DNM1: variants seen among roughly 807,000 people sequenced by gnomAD.
DNM1 encodes dynamin-1.
DNM1 carries 29 observed loss-of-function variants against 104.6 expected under a neutral mutation model. The observed-to-expected ratio is 0.28, with a 90% CI of 0.21 to 0.38. The LOEUF (loss-of-function observed/expected upper bound fraction) is 0.38, where lower values mean the gene tolerates loss of function less well. DNM1 is among the 10% of genes least tolerant of loss of function. The probability of loss-of-function intolerance (pLI) is 1.00; values close to 1 mark genes in which losing one functional copy is unlikely to be tolerated. For missense variants in DNM1, 640 were observed against 1,189.4 expected, an observed-to-expected ratio of 0.54 and a Z score of 6.79; for synonymous variants, 445 against 475.8, an observed-to-expected ratio of 0.94 and a Z score of 0.84.
At chr9:128,205,644 C>A (rs549745523) in intron 1 of DNM1, among the ~76,000 whole-genome samples, 2 of 152,162 alleles carry the variant, frequency 1.3e-5, no homozygotes. Context: ...CGCTGACAGC[C>A]GCTGCCCTGC....
chr9:128,209,086 C>A (rs188123630), intron 1 of DNM1, among the ~76,000 whole-genome samples: 17 of 152,120 alleles, frequency 1.1e-4, no homozygotes, highest in African/African-American at 3.6e-4. Context: ...CACCCCCCCA[C>A]CCACCTGGAG....
chr9:128,220,681 T>A lies in DNM1; in HGVS notation c.849+340T>A, dbSNP rs1362970823. Among the ~76,000 whole-genome samples, 2 of 151,098 alleles carry A rather than the reference T, an allele frequency of 1.3e-5. No homozygotes were observed. The stretch of plus-strand genomic sequence containing the variant: ...GACCTTGACAGGGAATCCCAGGGGC[T>A]TCCCCAGGACTTTTCTCCATCTGGA... On this transcript the variant is annotated intron_variant, in intron 6 of 21. Coordinates refer to ENST00000372923, the MANE Select transcript of DNM1 (RefSeq NM_004408.4). The surrounding 1 kb of genome is among the most constrained non-coding windows in gnomAD (Gnocchi z 5.2).
At chr9:128,239,925 G>A in intron 13 of DNM1, 60 bp from the exon 14 acceptor site, 2 of 1,609,968 alleles carry the variant, frequency 1.2e-6, no homozygotes, top group South Asian at 2.2e-5. Flanking sequence ...CTCTGCCTCA[G>A]TAACCCTCTC....
intron 1 of DNM1, among the ~76,000 whole-genome samples, chr9:128,214,453 T>C (rs1466250063): frequency 1.3e-5 from 2 of 152,114 alleles, no homozygotes; most frequent in African/African-American, 2.4e-5. Context: ...CGGCACTGGG[T>C]GCACGCCCAG....
intron 1 of DNM1, among the ~76,000 whole-genome samples, chr9:128,213,410 A>T (rs975161642): frequency 6.6e-6 from 1 of 150,956 alleles, no homozygotes; most frequent in Non-Finnish European, 1.5e-5. Flanking sequence ...AATGGAGAAC[A>T]CATGATTTTA....
chr9:128,218,460 G>A lies in DNM1; in HGVS notation c.236-122G>A, dbSNP rs1834744619. 4 of 1,390,900 alleles carry A rather than the reference G, an allele frequency of 2.9e-6. No homozygotes were observed. The African/African-American group carries it at 5.7e-5, about 20-fold the overall frequency. The allele number at this position is 1,390,900 out of a possible 1,614,324, so 86.2% of individuals were successfully genotyped here. On this transcript the variant is annotated intron_variant, in intron 2 of 21. Coordinates refer to ENST00000372923, the MANE Select transcript of DNM1 (RefSeq NM_004408.4). This position sits in a 1 kb window ranked among gnomAD's most constrained non-coding sequence, Gnocchi z 4.8. ...GGGGATCAAAATACATAATGGAGAC[G>A]TGGGTGGTGGTTCTGCTTGGGTGTG...
Position 128,247,184 on chromosome 9 carries a change from G to A in DNM1, c.1782-191G>A. ...CACTGAATCCTCAGTGACCCAAGGA[G>A]GCAGGAATTATTATTAACCCATCTT... On this transcript the variant is annotated intron_variant, in intron 16 of 21. Transcript: ENST00000372923. The surrounding 1 kb of genome is among the most constrained non-coding windows in gnomAD (Gnocchi z 5.1). 2.0e-6 allele frequency: 1 copy of A among 510,698 alleles called. No individual in the cohort carries two copies. Among genetic ancestry groups the A allele is most frequent in the Non-Finnish European group, 3.5e-6 (1 of 281,856 alleles). The allele number at this position is 510,698 out of a possible 1,614,324, so 31.6% of individuals were successfully genotyped here.
intron 15 of DNM1, chr9:128,244,944 C>T (rs765978439): frequency 5.7e-5 from 18 of 317,152 alleles, no homozygotes; most frequent in Admixed American, 1.4e-4. Flanking sequence ...CCAGCCAGCC[C>T]GTGGTCCCCT....
rs577986578 is a variant in DNM1, at chr9:128,252,448, G to C, written c.2534+1508G>C. 345 of 402,756 alleles carry C rather than the reference G, an allele frequency of 8.6e-4. 2 individuals are homozygous for C. The highest frequency in any genetic ancestry group is 6.2e-3 in the South Asian group (331 of 53,616). The allele number at this position is 402,756 out of a possible 1,614,324, so 24.9% of individuals were successfully genotyped here. ...GCAGTCTGAGGCATGGCTGAGATAG[G>C]CTTACGTGGCAAGGAATCAGGAGGG... On this transcript the variant is annotated intron_variant, in intron 21 of 21. Coordinates refer to ENST00000372923, the MANE Select transcript of DNM1 (RefSeq NM_004408.4).
At chr9:128,212,935 G>C (rs1014896200) in intron 1 of DNM1, among the ~76,000 whole-genome samples, 5 of 152,174 alleles carry the variant, frequency 3.3e-5, no homozygotes, top group African/African-American at 1.2e-4. Context: ...TCAAGTCCCT[G>C]GCAGAGTCCC....
At chr9:128,249,053 T>A (rs995374244) in intron 19 of DNM1, among the ~76,000 whole-genome samples, 20 of 150,676 alleles carry the variant, frequency 1.3e-4, no homozygotes, top group African/African-American at 4.6e-4. Context: ...ATTAGCCAGG[T>A]GTGGTAGCGT....
Position 128,247,952 on chromosome 9 carries a change from C to T in DNM1, c.1905+17C>T, listed in dbSNP as rs115623280. On this transcript the variant is annotated intron_variant, in intron 18 of 21. Transcript: ENST00000372923. This position sits in a 1 kb window ranked among gnomAD's most constrained non-coding sequence, Gnocchi z 5.1. ...AAAGAGAAAGTGAGTGTGCCCTTCT[C>T]TTGCCTCCTGCCAGGCATCTGCAGC... 1.7e-3 allele frequency: 2,803 copies of T among 1,614,152 alleles called. 46 individuals are homozygous for T. The African/African-American group carries it at 0.032, about 19-fold the overall frequency.
rs1829695778 is a variant in DNM1 at position 128,253,985 on chromosome 9, TC to T, written c.2535-668del. 4.1e-6 allele frequency: 5 copies of T among 1,234,054 alleles called. No homozygotes were observed. The East Asian group carries it at 1.6e-4, about 39-fold the overall frequency. 76.4% of individuals were successfully genotyped at this position (1,234,054 alleles called of 1,614,324 possible). ...CCCCCCATTCTCCTGCCACTGACTC[TC>T]GCTCTTCTGCTTTTCCCAGCAGGAA... On this transcript the variant is annotated intron_variant, in intron 21 of 21. Transcript: ENST00000372923. The surrounding 1 kb of genome is among the most constrained non-coding windows in gnomAD (Gnocchi z 5.9).
chr9:128,254,576 C>A lies in DNM1; in HGVS notation c.2535-78C>A, dbSNP rs1432045086. 1.3e-6 allele frequency: 2 copies of A among 1,590,766 alleles called. No individual in the cohort carries two copies. The highest frequency in any genetic ancestry group is 1.7e-5 in the Admixed American group (1 of 59,690). ...CTGCTGCGGCGCGGCCGGCCCCGGCCGTGTGCTGCGCTTGCCTTACCAGCT... is the reference window on the plus strand; with the variant it reads ...CTGCTGCGGCGCGGCCGGCCCCGGCAGTGTGCTGCGCTTGCCTTACCAGCT... On this transcript the variant is annotated intron_variant, in intron 21 of 21. Transcript: ENST00000372923. The surrounding 1 kb of genome is among the most constrained non-coding windows in gnomAD (Gnocchi z 6.1).
chr9:128,251,485 G>C (rs1474797235), intron 21 of DNM1: 2 of 237,082 alleles, frequency 8.4e-6, no homozygotes, highest in South Asian at 4.3e-5. Context: ...GGCTGTGACT[G>C]TGTGACTAGA....
At position 128,226,026 on chromosome 9, in the gene DNM1, C is replaced by T. The variant is rs529414436; in HGVS notation, c.1335+1637C>T. On this transcript the variant is annotated intron_variant, in intron 10 of 21. Coordinates refer to ENST00000372923, the MANE Select transcript of DNM1 (RefSeq NM_004408.4). ...CCTCCTCCTGTCCCCACCTCCTCCCCGGGTGCAGGACGGGCCTCTTCACAC... is the reference window on the plus strand; with the variant it reads ...CCTCCTCCTGTCCCCACCTCCTCCCTGGGTGCAGGACGGGCCTCTTCACAC... 52 of 1,612,136 alleles carry T rather than the reference C, an allele frequency of 3.2e-5. No homozygotes were observed. Among genetic ancestry groups the T allele is most frequent in the African/African-American group, 1.6e-4 (12 of 74,838 alleles).
intron 4 of DNM1, 27 bp from the exon 5 acceptor site, chr9:128,219,961 A>G: frequency 6.5e-7 from 1 of 1,528,266 alleles, no homozygotes; most frequent in Non-Finnish European, 8.9e-7. Flanking sequence ...GTGCAGCTGT[A>G]GACGGCCCTC....
chr9:128,249,843 A>C (rs1191535825), intron 19 of DNM1, among the ~76,000 whole-genome samples: 2 of 151,898 alleles, frequency 1.3e-5, no homozygotes, highest in African/African-American at 2.4e-5. Context: ...AGAAAAAAAA[A>C]AACAACTGAG....
rs73672475 is a variant in DNM1 at position 128,243,084 on chromosome 9, C to A, written c.1671+739C>A. On this transcript the variant is annotated intron_variant, in intron 15 of 21. Transcript: ENST00000372923. The surrounding 1 kb of genome is among the most constrained non-coding windows in gnomAD (Gnocchi z 4.0). ...CCCCAGTCCCCTAGACCCCTGCAGT[C>A]CAAGGGAAATGACCAGGGTGCCCTC... 4.0e-3 allele frequency among the ~76,000 whole-genome samples: 612 copies of A among 152,300 alleles called. 3 individuals carry two copies. The highest frequency in any genetic ancestry group is 0.014 in the African/African-American group (582 of 41,556).
Sources: gnomAD v4.1 joint callset for allele counts (sites outside exome capture counted in the v4.1 genomes callset) on GRCh38, gnomAD v4.1.1 for gene constraint, Gnocchi (gnomAD v3.1) non-coding constraint, MANE v1.5 for transcripts, NCBI Gene and HGNC (gene_info 2026-07-23, HGNC 2026-07-21) for gene names.